CARMIL1: variants seen among roughly 807,000 people sequenced by gnomAD.
CARMIL1 encodes F-actin-uncapping protein LRRC16A.
Under a neutral mutation model 177.1 loss-of-function variants are expected in CARMIL1, and 90 were observed. The ratio of observed to expected loss-of-function variants is 0.51; its 90% confidence interval spans 0.43 to 0.61. CARMIL1 has a LOEUF of 0.61. Among genes scored for constraint, CARMIL1 ranks in the 20% least tolerant of loss-of-function variants. The pLI is 0.00. For synonymous variants in CARMIL1, 577 were observed against 606.2 expected (o/e 0.95, Z 0.71); for missense variants, 1,380 against 1,667.0 (o/e 0.83, Z 3.00).
At chr6:25,600,793 T>C (rs1178390583) in intron 33 of CARMIL1, 47 bp downstream of exon 33, 1 of 1,404,534 alleles carries the variant, frequency 7.1e-7, no homozygotes, top group East Asian at 2.5e-5. Flanking sequence ...TGATATATAA[T>C]AGATGCACAC....
intron 17 of CARMIL1, among the ~76,000 whole-genome samples, chr6:25,500,696 T>C (rs1474117722): frequency 6.6e-6 from 1 of 152,050 alleles, no homozygotes; most frequent in Non-Finnish European, 1.5e-5. Flanking sequence ...CTAGAAAGTA[T>C]AGCAATTTCA....
At chr6:25,282,828 T>C (rs1781243658) in intron 1 of CARMIL1, among the ~76,000 whole-genome samples, 1 of 152,216 alleles carries the variant, frequency 6.6e-6, no homozygotes, top group South Asian at 2.1e-4. Context: ...TTATGCATTG[T>C]GTGTGAATTT....
At chr6:25,363,398 T>C (rs1321181465) in intron 2 of CARMIL1, among the ~76,000 whole-genome samples, 1 of 41,492 alleles carries the variant, frequency 2.4e-5, no homozygotes, top group South Asian at 7.3e-4. Context: ...CCACGGAAGA[T>C]TTTTTTCCTC....
At chr6:25,404,463 A>G (rs1794174148) in intron 2 of CARMIL1, among the ~76,000 whole-genome samples, 1 of 152,130 alleles carries the variant, frequency 6.6e-6, no homozygotes. Flanking sequence ...GATGAGCTTT[A>G]AACATAATAG....
intron 11 of CARMIL1, among the ~76,000 whole-genome samples, chr6:25,476,528 T>C (rs951852860): frequency 6.6e-6 from 1 of 152,238 alleles, no homozygotes; most frequent in Non-Finnish European, 1.5e-5. Context: ...ACACAAATTC[T>C]TTATTCTTTT....
At chr6:25,375,825 G>C (rs1790912640) in intron 2 of CARMIL1, among the ~76,000 whole-genome samples, 1 of 152,150 alleles carries the variant, frequency 6.6e-6, no homozygotes. Context: ...TTAATTTCCA[G>C]AAGTTCGGAT....
chr6:25,295,434 C>T (rs540276189), intron 2 of CARMIL1, among the ~76,000 whole-genome samples: 2 of 152,298 alleles, frequency 1.3e-5, no homozygotes, highest in Admixed American at 6.5e-5. Context: ...TCCATGTCCT[C>T]ATATTTATTT....
chr6:25,557,251 C>T (rs1199834175), intron 29 of CARMIL1, among the ~76,000 whole-genome samples: 2 of 152,148 alleles, frequency 1.3e-5, no homozygotes, highest in Non-Finnish European at 2.9e-5. Flanking sequence ...AACTTTTTGA[C>T]AAACCCTTAA....
At chr6:25,377,425 A>G (rs1444731284) in intron 2 of CARMIL1, among the ~76,000 whole-genome samples, 1 of 152,100 alleles carries the variant, frequency 6.6e-6, no homozygotes, top group Non-Finnish European at 1.5e-5. Context: ...TTCCCTTAGG[A>G]GTAGAAATCC....
intron 2 of CARMIL1, among the ~76,000 whole-genome samples, chr6:25,306,496 C>G (rs1273456587): frequency 6.6e-6 from 1 of 152,146 alleles, no homozygotes. Context: ...ACCATCTCTC[C>G]TCCCCCCCAC....
intron 9 of CARMIL1, 72 bp downstream of exon 9, chr6:25,466,020 A>G: frequency 6.2e-6 from 7 of 1,137,058 alleles, no homozygotes; most frequent in Non-Finnish European, 9.3e-6. Context: ...TTGTGGGAAA[A>G]AAACAATTTT....
chr6:25,538,207 G>A (rs992488438), intron 25 of CARMIL1, among the ~76,000 whole-genome samples: 5 of 152,148 alleles, frequency 3.3e-5, no homozygotes, highest in African/African-American at 1.2e-4. Flanking sequence ...TTCACAGAGG[G>A]TGTGATTGGG....
At chr6:25,331,021 A>G (rs1190083303) in intron 2 of CARMIL1, among the ~76,000 whole-genome samples, 1 of 151,096 alleles carries the variant, frequency 6.6e-6, no homozygotes, top group Non-Finnish European at 1.5e-5. Context: ...TTGTTTGCTT[A>G]TAATATTGTT....
At chr6:25,551,654 T>A (rs118855) in intron 27 of CARMIL1, among the ~76,000 whole-genome samples, 67,120 of 152,072 alleles carry the variant, frequency 0.44, 15,014 homozygotes, top group East Asian at 0.49. Context: ...GGCAAACTTT[T>A]CTGAATTTTT....
chr6:25,438,989 AAG>A (rs1797481788), intron 5 of CARMIL1, among the ~76,000 whole-genome samples: 1 of 152,108 alleles, frequency 6.6e-6, no homozygotes, highest in Non-Finnish European at 1.5e-5. Flanking sequence ...ATTAGGTATT[AAG>A]AGAGAGGGTA....
chr6:25,609,238 G>A (rs1295821785), intron 35 of CARMIL1, among the ~76,000 whole-genome samples: 1 of 151,878 alleles, frequency 6.6e-6, no homozygotes, highest in East Asian at 1.9e-4. Context: ...AGGCTGAGGC[G>A]GGTGGATCAC....
intron 2 of CARMIL1, among the ~76,000 whole-genome samples, chr6:25,329,710 A>G (rs1288928338): frequency 6.6e-6 from 1 of 152,194 alleles, no homozygotes; most frequent in African/African-American, 2.4e-5. Flanking sequence ...CTAAATGCAG[A>G]TTTCTTCTTG....
Position 25,435,338 on chromosome 6 carries a change from C to T in CARMIL1, c.250-145C>T. On this transcript the variant is annotated intron_variant, in intron 4 of 36. Coordinates refer to ENST00000329474, the MANE Select transcript of CARMIL1 (RefSeq NM_017640.6). ...TGTTCACGCACGTATGTGAGATGTG[C>T]TACCCTCGAACCTTGTTAAAGAAAA... 3 of 813,378 alleles carry T rather than the reference C, an allele frequency of 3.7e-6. No individual in the cohort carries two copies. The East Asian group carries it at 1.0e-4, about 27-fold the overall frequency. The allele number at this position is 813,378 out of a possible 1,614,324, so 50.4% of individuals were successfully genotyped here.
intron 2 of CARMIL1, among the ~76,000 whole-genome samples, chr6:25,417,956 G>A (rs1396290754): frequency 6.6e-6 from 1 of 151,736 alleles, no homozygotes; most frequent in Non-Finnish European, 1.5e-5. Flanking sequence ...AACGCTTAGG[G>A]ACAGCTTTTA....
Sources: allele counts gnomAD v4.1 joint callset (sites outside exome capture counted in the v4.1 genomes callset), GRCh38; gene constraint gnomAD v4.1.1; transcripts MANE v1.5; gene names NCBI Gene and HGNC (gene_info 2026-07-23, HGNC 2026-07-21).